The following WWOX variants were observed in gnomAD, a reference collection of about 807,000 sequenced individuals.
WWOX encodes the protein WW domain-containing oxidoreductase.
WWOX carries 69 observed loss-of-function variants against 46.2 expected under a neutral mutation model. The observed-to-expected ratio is 1.49, with a 90% CI of 1.23 to 1.82. WWOX has a LOEUF of 1.82. Ranked by LOEUF, WWOX falls within the 40% of genes most tolerant of loss-of-function variation. The pLI is 0.00. For missense variants in WWOX, 919 were observed against 542.6 expected, an observed-to-expected ratio of 1.69 and a Z score of -6.89; for synonymous variants, 359 against 202.6, an observed-to-expected ratio of 1.77 and a Z score of -6.56.
chr16:78,782,929 A>T (rs2050366662), intron 8 of WWOX, among the ~76,000 whole-genome samples: 3 of 152,166 alleles, frequency 2.0e-5, no homozygotes, highest in South Asian at 4.1e-4. Context: ...GGCTCTTTTG[A>T]CTTAGGCATA....
chr16:78,435,743 G>C (rs552313109), intron 8 of WWOX, among the ~76,000 whole-genome samples: 2 of 152,140 alleles, frequency 1.3e-5, no homozygotes, highest in Non-Finnish European at 1.5e-5. Context: ...TAATGGTGCT[G>C]ATGGCTAAGC....
At chr16:78,159,239 C>G (rs2034704806) in intron 4 of WWOX, among the ~76,000 whole-genome samples, 1 of 152,148 alleles carries the variant, frequency 6.6e-6, no homozygotes, top group Middle Eastern at 3.4e-3. Context: ...CATGTCTTGG[C>G]TAGTATGAAT....
intron 8 of WWOX, among the ~76,000 whole-genome samples, chr16:78,851,899 T>C (rs2052453271): frequency 6.6e-6 from 1 of 152,204 alleles, no homozygotes; most frequent in Non-Finnish European, 1.5e-5. Context: ...ATAATTTCAT[T>C]TAAACCCTTC....
At chr16:78,925,508 A>C (rs1567653568) in intron 8 of WWOX, among the ~76,000 whole-genome samples, 1 of 152,212 alleles carries the variant, frequency 6.6e-6, no homozygotes, top group East Asian at 1.9e-4. Flanking sequence ...CGTCTTAACC[A>C]GGAACTCGCT....
intron 8 of WWOX, among the ~76,000 whole-genome samples, chr16:78,590,215 G>C (rs546285382): frequency 1.3e-5 from 2 of 151,978 alleles, no homozygotes; most frequent in East Asian, 1.9e-4. Flanking sequence ...TATTTCTCGT[G>C]GTTCTAGAGG....
At chr16:78,961,288 G>C (rs937473443) in intron 8 of WWOX, among the ~76,000 whole-genome samples, 1 of 152,234 alleles carries the variant, frequency 6.6e-6, no homozygotes, top group South Asian at 2.1e-4. Context: ...TATATGAACT[G>C]ATGATTATAT....
At chr16:78,664,082 C>A (rs1274398135) in intron 8 of WWOX, among the ~76,000 whole-genome samples, 1 of 152,122 alleles carries the variant, frequency 6.6e-6, no homozygotes, top group African/African-American at 2.4e-5. Flanking sequence ...ATGAGGAGGA[C>A]AATGCGTAGG....
At chr16:78,314,996 A>C (rs1251496359) in intron 5 of WWOX, among the ~76,000 whole-genome samples, 1 of 152,108 alleles carries the variant, frequency 6.6e-6, no homozygotes, top group African/African-American at 2.4e-5. Flanking sequence ...TCCTTCACTC[A>C]CATGTCCTGA....
chr16:79,051,726 A>G (rs2048171260), intron 8 of WWOX, among the ~76,000 whole-genome samples: 1 of 152,212 alleles, frequency 6.6e-6, no homozygotes, highest in South Asian at 2.1e-4. Flanking sequence ...TCTTGAAAGA[A>G]TTTCCTCCCC....
chr16:78,144,990 A>C (rs181770565), intron 4 of WWOX, among the ~76,000 whole-genome samples: 2 of 152,282 alleles, frequency 1.3e-5, no homozygotes, highest in East Asian at 3.9e-4. Context: ...GAGGAAATTG[A>C]GGTTCACAGA....
chr16:78,337,329 C>T (rs749759289), intron 5 of WWOX, among the ~76,000 whole-genome samples: 2 of 152,230 alleles, frequency 1.3e-5, no homozygotes, highest in Admixed American at 6.5e-5. Flanking sequence ...GTATATAGTA[C>T]ATAAGGTCTT....
chr16:78,323,430 G>T (rs1408083612), intron 5 of WWOX, among the ~76,000 whole-genome samples: 4 of 152,134 alleles, frequency 2.6e-5, no homozygotes, highest in Non-Finnish European at 2.9e-5. Flanking sequence ...ATAGTAGGGA[G>T]ACAGTAAGCA....
At chr16:78,554,076 G>C (rs1043636510) in intron 8 of WWOX, among the ~76,000 whole-genome samples, 2 of 152,154 alleles carry the variant, frequency 1.3e-5, no homozygotes, top group East Asian at 3.9e-4. Flanking sequence ...TGCAGTACAA[G>C]TTGGTAATGG....
chr16:78,370,117 G>T (rs1465055020), intron 5 of WWOX, among the ~76,000 whole-genome samples: 1 of 96,798 alleles, frequency 1.0e-5, no homozygotes, highest in African/African-American at 4.2e-5. Flanking sequence ...GGGAGACAGA[G>T]CAAGACTGTC....
chr16:78,337,901 C>A (rs2080930671), intron 5 of WWOX, among the ~76,000 whole-genome samples: 1 of 114,408 alleles, frequency 8.7e-6, no homozygotes, highest in Non-Finnish European at 2.1e-5. Flanking sequence ...CTCTCTGTTC[C>A]TGGCAGTGCC....
intron 8 of WWOX, among the ~76,000 whole-genome samples, chr16:78,994,162 G>A (rs1370830489): frequency 6.6e-6 from 1 of 152,188 alleles, no homozygotes; most frequent in Non-Finnish European, 1.5e-5. Context: ...ACCCCCTTCA[G>A]ACAAACTGCA....
chr16:78,391,120 C>T (rs1025930761), intron 6 of WWOX, among the ~76,000 whole-genome samples: 2 of 152,152 alleles, frequency 1.3e-5, no homozygotes, highest in African/African-American at 2.4e-5. Context: ...GTGGAACCAC[C>T]CGCCGTCTGC....
intron 8 of WWOX, chr16:79,016,293 C>G (rs780816406): frequency 3.9e-5 from 6 of 152,276 alleles, no homozygotes. Context: ...AACTTTTCTC[C>G]CACTGATGAG....
chr16:78,429,135 C>T (rs372057962), intron 7 of WWOX, among the ~76,000 whole-genome samples: 1 of 152,184 alleles, frequency 6.6e-6, no homozygotes, highest in Non-Finnish European at 1.5e-5. Flanking sequence ...AAGAATCTTA[C>T]AGTCTACTTT....
Sources: allele counts gnomAD v4.1 joint callset (sites outside exome capture counted in the v4.1 genomes callset), GRCh38; gene constraint gnomAD v4.1.1; transcripts MANE v1.5; gene names NCBI Gene and HGNC (gene_info 2026-07-23, HGNC 2026-07-21).